RFX7: variants seen among roughly 807,000 people sequenced by gnomAD.
RFX7 encodes the protein regulatory factor X7.
A neutral mutation model predicts 111.8 loss-of-function variants in RFX7; 26 were observed. The ratio of observed to expected loss-of-function variants is 0.23; its 90% CI spans 0.17 to 0.32. The LOEUF is 0.32. Ranked by LOEUF, RFX7 falls within the 10% of genes least tolerant of loss-of-function variation. RFX7 has a pLI of 1.00. For missense variants in RFX7, 1,573 were observed against 1,772.9 expected (o/e 0.89, Z 2.02); for synonymous variants, 624 against 624.4 (o/e 1.00, Z 0.01).
At chr15:56,203,202 A>G (rs190373083) in intron 2 of RFX7, among the ~76,000 whole-genome samples, 98 of 152,346 alleles carry the variant, frequency 6.4e-4, no homozygotes, top group African/African-American at 2.3e-3. Context: ...GAAGCCAACC[A>G]TATGACAACC....
chr15:56,105,237 A>G (rs2041814548), intron 5 of RFX7, among the ~76,000 whole-genome samples: 1 of 152,302 alleles, frequency 6.6e-6, no homozygotes, highest in East Asian at 1.9e-4. Flanking sequence ...CAACGTCCTC[A>G]TGTCACACCC....
chr15:56,211,777 G>A (rs2043315409), intron 2 of RFX7, among the ~76,000 whole-genome samples: 1 of 152,096 alleles, frequency 6.6e-6, no homozygotes, highest in Non-Finnish European at 1.5e-5. Context: ...ATGAAGAGAT[G>A]CTCCATATCA....
Position 56,152,879 on chromosome 15 carries a change from T to A in RFX7, c.196-8396A>T, listed in dbSNP as rs180862491. Among the ~76,000 whole-genome samples the A allele has an allele frequency of 1.2e-3, 189 of 151,552 alleles. 2 individuals carry two copies. The highest frequency in any genetic ancestry group is 5.1e-3 in the Admixed American group (77 of 15,230). ...CAATAAAAAAATGATATAGGGGATA[T>A]CACCACTGACCCCACAGAAATAGAA... is the stretch of plus-strand genomic sequence containing the variant. On this transcript the variant is annotated intron_variant, in intron 3 of 9. Coordinates refer to ENST00000559447, the MANE Select transcript of RFX7 (RefSeq NM_022841.7).
In RFX7 at chr15:56,125,376, A is replaced by G. The variant is rs564650651; in HGVS notation, c.401+17402T>C. On this transcript the variant is annotated intron_variant, in intron 5 of 9. Transcript: ENST00000559447. Reference sequence around the variant, plus strand: ...TATAAATTTTAAGGTCTTTTTTTCTATTTCTGTGAAGAATACAATCAGTAT... The same window carrying G: ...TATAAATTTTAAGGTCTTTTTTTCTGTTTCTGTGAAGAATACAATCAGTAT... Among the ~76,000 whole-genome samples the G allele has an allele frequency of 7.9e-5, 12 of 151,836 alleles. No individual in the cohort carries two copies. In the South Asian group the frequency reaches 2.5e-3, roughly 32 times the overall value.
intron 5 of RFX7, among the ~76,000 whole-genome samples, chr15:56,140,559 G>T (rs1012532045): frequency 2.2e-4 from 33 of 152,228 alleles, no homozygotes; most frequent in Non-Finnish European, 3.7e-4. Flanking sequence ...AGATGGAAAT[G>T]CAGAAATCAC....
At chr15:56,151,050 T>C (rs930061381) in intron 3 of RFX7, among the ~76,000 whole-genome samples, 4 of 150,008 alleles carry the variant, frequency 2.7e-5, no homozygotes, top group Non-Finnish European at 4.4e-5. Flanking sequence ...CTCCAAGAAA[T>C]ATGGGACTAC....
At chr15:56,152,854 C>T (rs1014740274) in intron 3 of RFX7, among the ~76,000 whole-genome samples, 1 of 150,446 alleles carries the variant, frequency 6.6e-6, no homozygotes, top group African/African-American at 2.4e-5. Context: ...CAAATAGACA[C>T]AATAAAAAAA....
chr15:56,132,336 G>C (rs761044297), intron 5 of RFX7, among the ~76,000 whole-genome samples: 1 of 151,930 alleles, frequency 6.6e-6, no homozygotes, highest in African/African-American at 2.4e-5. Flanking sequence ...ACATTTAATA[G>C]CTAAAATATC....
chr15:56,169,304 G>C (rs2042816837), intron 3 of RFX7, among the ~76,000 whole-genome samples: 1 of 152,148 alleles, frequency 6.6e-6, no homozygotes, highest in Non-Finnish European at 1.5e-5. Context: ...TCAATACTCT[G>C]CCCTCAGTAA....
At chr15:56,188,046 C>T (rs2043060191) in intron 2 of RFX7, among the ~76,000 whole-genome samples, 4 of 152,094 alleles carry the variant, frequency 2.6e-5, no homozygotes, top group Admixed American at 6.6e-5. Flanking sequence ...GTATTATAAA[C>T]ATGTTCAAGT....
chr15:56,114,889 A>C (rs1291612244), intron 5 of RFX7, among the ~76,000 whole-genome samples: 2 of 152,242 alleles, frequency 1.3e-5, no homozygotes, highest in Non-Finnish European at 2.9e-5. Context: ...AAGTCATCTG[A>C]TAAATCCTCA....
chr15:56,179,485 C>G (rs1190468549), intron 2 of RFX7, among the ~76,000 whole-genome samples, 182 bp from the exon 3 acceptor site: 1 of 152,080 alleles, frequency 6.6e-6, no homozygotes, highest in Non-Finnish European at 1.5e-5. Flanking sequence ...AAATCTATTT[C>G]CCATTTACTG....
intron 5 of RFX7, among the ~76,000 whole-genome samples, chr15:56,111,661 C>CAAAAAAAAAAAAAAAAAACA (rs2041934041): frequency 3.1e-5 from 3 of 95,576 alleles, no homozygotes; most frequent in South Asian, 4.0e-4. Flanking sequence ...ATAAATAAAC[C>CAAAAAAAAAAAAAAAAAACA]AAAAAAAAAA....
At chr15:56,143,978 T>C (rs1392619335) in intron 4 of RFX7, among the ~76,000 whole-genome samples, 7 of 152,192 alleles carry the variant, frequency 4.6e-5, no homozygotes, top group Non-Finnish European at 1.0e-4. Context: ...TATGAATTCA[T>C]GTTTCATACA....
chr15:56,148,191 G>A (rs1283924382), intron 3 of RFX7, among the ~76,000 whole-genome samples: 1 of 152,152 alleles, frequency 6.6e-6, no homozygotes. Context: ...TTGAACTCAA[G>A]TTTGATTTAT....
chr15:56,239,337 C>T (rs532484455), intron 2 of RFX7, among the ~76,000 whole-genome samples: 3 of 151,934 alleles, frequency 2.0e-5, no homozygotes, highest in Admixed American at 6.5e-5. Flanking sequence ...GGTGCAATCT[C>T]GGCTCACAGC....
At chr15:56,120,060 T>C (rs1337541510) in intron 5 of RFX7, among the ~76,000 whole-genome samples, 2 of 152,202 alleles carry the variant, frequency 1.3e-5, no homozygotes, top group Non-Finnish European at 2.9e-5. Flanking sequence ...ATTGGTATTT[T>C]GATAGACACT....
Position 56,098,125 on chromosome 15 carries a change from G to T in RFX7, c.1063C>A (p.Gln355Lys). 1 of 1,613,906 alleles carries T rather than the reference G, an allele frequency of 6.2e-7. No individual in the cohort carries two copies. Among genetic ancestry groups the T allele is most frequent in the South Asian group, 1.1e-5 (1 of 91,072 alleles). The change falls in exon 9 of 10, where the codon CAA becomes AAA. Residue 355 changes from glutamine (Q) to lysine (K), a missense_variant. Coordinates refer to ENST00000559447, the MANE Select transcript of RFX7 (RefSeq NM_022841.7). ...GCTGCCACAACGATACCAATAGGTTGAGGAGAAAGGATTGAAGGATTTCCA... is the reference window on the plus strand; with the variant it reads ...GCTGCCACAACGATACCAATAGGTTTAGGAGAAAGGATTGAAGGATTTCCA... The part of the protein sequence containing the change: ...PNGNPSILSP[Q>K]PIGIVVAAVP...
rs372777106 is a variant in RFX7 at position 56,094,957 on chromosome 15, G to A, written c.2771C>T (p.Pro924Leu). Residue 924 changes from proline (P) to leucine (L), a missense_variant, in exon 10 of 10, where the codon CCA (proline) becomes CTA (leucine). Physicochemically the swap from Pro to Leu is moderately conservative, Grantham distance 98. Around this residue, in one of 7 missense-constraint regions of RFX7, gnomAD observed 625 missense variants for 632.2 expected, o/e 0.99. Coordinates refer to ENST00000559447, the MANE Select transcript of RFX7 (RefSeq NM_022841.7). ...LQSQSVTPGA[P>L]MSSHTSSTHF... ...GGTGCTGGAAGTGTGAGATGACATT[G>A]GAGCTCCTGGAGTTACTGACTGACT... is the stretch of plus-strand genomic sequence containing the variant. The A allele has an allele frequency of 1.7e-4, 268 of 1,602,098 alleles. No individual in the cohort carries two copies. The highest frequency in any genetic ancestry group is 2.2e-4 in the Non-Finnish European group (256 of 1,174,280).
Sources: allele counts gnomAD v4.1 joint callset (sites outside exome capture counted in the v4.1 genomes callset), GRCh38; gene constraint gnomAD v4.1.1; regional missense constraint gnomAD v4.1.1; transcripts MANE v1.5; gene names NCBI Gene and HGNC (gene_info 2026-07-23, HGNC 2026-07-21).